CRISPLD2: variants seen among roughly 807,000 people sequenced by gnomAD.
CRISPLD2 encodes the protein cysteine rich secretory protein LCCL domain containing 2.
A neutral mutation model predicts 71.1 loss-of-function variants in CRISPLD2; 47 were observed. The observed-to-expected ratio is 0.66, with a 90% CI of 0.52 to 0.84. The LOEUF (loss-of-function observed/expected upper bound fraction) is 0.84, where lower values mean the gene tolerates loss of function less well. CRISPLD2 is among the 40% of genes least tolerant of loss of function. The pLI, the probability that CRISPLD2 is intolerant of heterozygous loss-of-function variation, is 0.00. For missense variants in CRISPLD2, 830 were observed against 651.1 expected (o/e 1.27, Z -2.99); for synonymous variants, 317 against 250.1 (o/e 1.27, Z -2.52).
chr16:84,861,295 G>A (rs778260213), intron 6 of CRISPLD2, among the ~76,000 whole-genome samples: 12 of 151,932 alleles, frequency 7.9e-5, no homozygotes, highest in South Asian at 2.1e-4. Flanking sequence ...TGTATTCGTC[G>A]GGGTTCTCTA....
intron 5 of CRISPLD2, among the ~76,000 whole-genome samples, chr16:84,853,326 C>G (rs372851909): frequency 5.9e-5 from 9 of 152,180 alleles, no homozygotes; most frequent in African/African-American, 1.9e-4. Flanking sequence ...TGGTGATGTT[C>G]TTTTTGGGGG....
intron 14 of CRISPLD2, among the ~76,000 whole-genome samples, chr16:84,901,786 A>G (rs992260470): frequency 1.9e-5 from 2 of 107,004 alleles, no homozygotes; most frequent in Admixed American, 2.1e-4. Context: ...CACTGGTTGC[A>G]CTTTTTTTTT....
intron 12 of CRISPLD2, among the ~76,000 whole-genome samples, chr16:84,878,006 C>T (rs561305494): frequency 2.7e-5 from 4 of 146,954 alleles, no homozygotes; most frequent in Non-Finnish European, 5.9e-5. Flanking sequence ...GTCAGGAGAT[C>T]GAGACCATCC....
In CRISPLD2 at chr16:84,866,832, T is replaced by C. The variant is rs528293844; in HGVS notation, c.710-65T>C. On this transcript the variant is annotated intron_variant, in intron 6 of 14. Transcript: ENST00000262424. ...GTTTAGTTTTCAAATTGCTTTTTTT[T>C]CCCCAAAGTGCGTTTTTGTTGAATC... The C allele has an allele frequency of 4.3e-4, 648 of 1,510,364 alleles. 3 individuals are homozygous for C. The highest frequency in any genetic ancestry group is 1.0e-3 in the Middle Eastern group (6 of 5,762). The allele number at this position is 1,510,364 out of a possible 1,614,324, so 93.6% of individuals were successfully genotyped here.
At chr16:84,889,128 C>G in intron 13 of CRISPLD2, 102 bp from the exon 14 acceptor site, 1 of 1,483,882 alleles carries the variant, frequency 6.7e-7, no homozygotes, top group South Asian at 1.2e-5. Context: ...GGGTCCACAT[C>G]CCACCAGCCA....
At chr16:84,890,768 C>T (rs1012645094) in intron 14 of CRISPLD2, among the ~76,000 whole-genome samples, 4 of 152,054 alleles carry the variant, frequency 2.6e-5, no homozygotes, top group Non-Finnish European at 5.9e-5. Context: ...GCACTCCAGC[C>T]TGGGCAACAA....
At chr16:84,876,695 A>T (rs540488340) in intron 11 of CRISPLD2, among the ~76,000 whole-genome samples, 1 of 152,072 alleles carries the variant, frequency 6.6e-6, no homozygotes, top group South Asian at 2.1e-4. Flanking sequence ...CGGGAGGCTA[A>T]GGCAGGAGAA....
chr16:84,880,731 A>G (rs1022196003), intron 13 of CRISPLD2, 147 bp downstream of exon 13: 15 of 561,774 alleles, frequency 2.7e-5, no homozygotes, highest in African/African-American at 2.4e-4. Flanking sequence ...TTCGAGATGG[A>G]GTCTTACTCT....
rs374531077 is a variant in CRISPLD2 at position 84,840,251 on chromosome 16, G to A, written c.240+1516G>A. Among the ~76,000 whole-genome samples, 20 of 152,204 alleles carry A rather than the reference G, an allele frequency of 1.3e-4. No homozygotes were observed. The East Asian group carries it at 2.3e-3, about 18-fold the overall frequency. ...CCCCACAAAGCTGCCATGGAGGGTC[G>A]TGGCATGAGGGTTGAGTGGCTATTA... On this transcript the variant is annotated intron_variant, in intron 2 of 14. Transcript: ENST00000262424.
intron 11 of CRISPLD2, among the ~76,000 whole-genome samples, chr16:84,875,369 C>T (rs1452201136): frequency 6.7e-6 from 1 of 149,794 alleles, no homozygotes; most frequent in African/African-American, 2.5e-5. Context: ...TGAATGTGCC[C>T]AACACAAATT....
rs558031200 is a variant in CRISPLD2, at chr16:84,890,795, CAAAAAAAA to C, written c.1439+1433_1439+1440del. On this transcript the variant is annotated intron_variant, in intron 14 of 14. Coordinates refer to ENST00000262424, the MANE Select transcript of CRISPLD2 (RefSeq NM_031476.4). ...GGGCAACAAGAGCAAAACTCTGTCT[CAAAAAAAA>C]GAAAAAAAGACCAAACAAAGTCCCT... Among the ~76,000 whole-genome samples, 273 of 151,336 alleles carry C rather than the reference CAAAAAAAA, an allele frequency of 1.8e-3. 1 individual carries two copies. Among genetic ancestry groups the C allele is most frequent in the Admixed American group, 8.7e-3 (132 of 15,210 alleles).
intron 1 of CRISPLD2, among the ~76,000 whole-genome samples, chr16:84,829,960 G>T (rs1415512325): frequency 6.6e-6 from 1 of 152,216 alleles, no homozygotes; most frequent in Admixed American, 6.5e-5. Context: ...ATTGAACAAG[G>T]CTCAGTGCTG....
intron 1 of CRISPLD2, among the ~76,000 whole-genome samples, chr16:84,830,761 A>G (rs978161036): frequency 2.0e-5 from 3 of 152,096 alleles, no homozygotes; most frequent in African/African-American, 7.2e-5. Context: ...CTTAAAACCT[A>G]TCACTTTTGA....
intron 5 of CRISPLD2, among the ~76,000 whole-genome samples, chr16:84,852,021 G>A (rs1227687931): frequency 6.6e-6 from 1 of 152,158 alleles, no homozygotes; most frequent in Non-Finnish European, 1.5e-5. Flanking sequence ...CCTGGACCAA[G>A]GGGTGGCAGA....
chr16:84,882,804 A>C (rs148882290), intron 13 of CRISPLD2, among the ~76,000 whole-genome samples: 9 of 152,350 alleles, frequency 5.9e-5, no homozygotes, highest in African/African-American at 2.2e-4. Context: ...GGAAGAAAAC[A>C]AGGCTCATAG....
chr16:84,858,165 A>G (rs2143242465), intron 6 of CRISPLD2, among the ~76,000 whole-genome samples: 1 of 152,294 alleles, frequency 6.6e-6, no homozygotes, highest in South Asian at 2.1e-4. Flanking sequence ...CAGCATCCCT[A>G]TCTGCCACTG....
chr16:84,857,289 A>C (rs1917268059), intron 6 of CRISPLD2, among the ~76,000 whole-genome samples: 1 of 152,244 alleles, frequency 6.6e-6, no homozygotes. Flanking sequence ...AGTGGTGTCC[A>C]CAGAATGAGT....
chr16:84,902,689 A>C (rs1227653934), intron 14 of CRISPLD2, among the ~76,000 whole-genome samples: 1 of 150,506 alleles, frequency 6.6e-6, no homozygotes, highest in Non-Finnish European at 1.5e-5. Context: ...AGGCCACACT[A>C]TCCTGCTGGC....
In CRISPLD2 at chr16:84,854,788, C is replaced by A. The variant is rs1051557895; in HGVS notation, c.668C>A (p.Pro223His). 2 of 1,614,128 alleles carry A rather than the reference C, an allele frequency of 1.2e-6. No homozygotes were observed. Among genetic ancestry groups the A allele is most frequent in the Admixed American group, 1.7e-5 (1 of 60,014 alleles). The change falls in exon 6 of 15, where the codon CCC becomes CAC. Residue 223 changes from proline (P) to histidine (H), a missense_variant. By Grantham distance (77) the Pro-to-His change is moderately conservative. Coordinates refer to ENST00000262424, the MANE Select transcript of CRISPLD2 (RefSeq NM_031476.4). ...KNGRPCSECP[P>H]SYGGSCRNNL... is the part of the protein sequence containing the mutation. ...GGCCGGCCCTGCTCTGAGTGCCCAC[C>A]CAGCTATGGAGGCAGCTGCAGGAAC... is the stretch of plus-strand genomic sequence containing the variant.
Sources: allele counts gnomAD v4.1 joint callset (sites outside exome capture counted in the v4.1 genomes callset), GRCh38; gene constraint gnomAD v4.1.1; transcripts MANE v1.5; gene names NCBI Gene and HGNC (gene_info 2026-07-23, HGNC 2026-07-21).